SEPTIN2: variants seen among roughly 807,000 people sequenced by gnomAD.
The protein encoded by SEPTIN2 is septin-2.
In SEPTIN2, 34 loss-of-function variants were observed where a neutral mutation model predicts 46.5. The ratio of observed to expected loss-of-function variants is 0.73; its 90% CI spans 0.56 to 0.97. The LOEUF is 0.97. Among genes scored for constraint, SEPTIN2 ranks in the 50% least tolerant of loss-of-function variants. The pLI, the probability that SEPTIN2 is intolerant of heterozygous loss-of-function variation, is 0.00. For missense variants in SEPTIN2, 347 were observed against 448.4 expected, an observed-to-expected ratio of 0.77 and a Z score of 2.04; for synonymous variants, 175 against 153.4, an observed-to-expected ratio of 1.14 and a Z score of -1.04.
At chr2:241,335,694 C>T (rs2079843648) in intron 4 of SEPTIN2, 7 of 563,682 alleles carry the variant, frequency 1.2e-5, no homozygotes, top group Non-Finnish European at 2.2e-5. Flanking sequence ...TTTTTGAATT[C>T]AGTTTTTAAA....
At chr2:241,324,928 A>T (rs2077697713) in intron 2 of SEPTIN2, 1 of 152,266 alleles carries the variant, frequency 6.6e-6, no homozygotes, top group South Asian at 2.1e-4. Context: ...ATTCTGAGAA[A>T]AGCAGAACTT....
chr2:241,316,309 G>A (rs2076232005), intron 1 of SEPTIN2: 4 of 491,492 alleles, frequency 8.1e-6, no homozygotes, highest in Middle Eastern at 6.2e-4. Context: ...CGTCGAGTGC[G>A]GTCGAGGTCG....
intron 7 of SEPTIN2, among the ~76,000 whole-genome samples, chr2:241,339,745 C>T (rs929192626): frequency 1.3e-5 from 2 of 152,158 alleles, no homozygotes; most frequent in African/African-American, 2.4e-5. Flanking sequence ...ACAGTCTTCC[C>T]TCAGATACCT....
intron 1 of SEPTIN2, chr2:241,320,272 T>G: frequency 2.1e-6 from 1 of 471,210 alleles, no homozygotes; most frequent in South Asian, 1.5e-5. Flanking sequence ...ACGTCAAGTC[T>G]TGGTCCTTTT....
At chr2:241,334,536 CAT>C (rs939411211) in intron 3 of SEPTIN2, among the ~76,000 whole-genome samples, 11 of 152,092 alleles carry the variant, frequency 7.2e-5, no homozygotes, top group Non-Finnish European at 1.3e-4. Flanking sequence ...AGTTGCCCGA[CAT>C]ATGACAGTTG....
At chr2:241,322,626 GA>G (rs979654085) in intron 1 of SEPTIN2, among the ~76,000 whole-genome samples, 2 of 150,490 alleles carry the variant, frequency 1.3e-5, no homozygotes, top group African/African-American at 2.4e-5. Context: ...AAAGAAAAGA[GA>G]AAAAAAAATT....
chr2:241,337,811 G>C, intron 7 of SEPTIN2, 21 bp downstream of exon 7: 1 of 1,558,354 alleles, frequency 6.4e-7, no homozygotes, highest in Non-Finnish European at 8.9e-7. Flanking sequence ...CTGGCGTCCT[G>C]CCCTCCCTCT....
chr2:241,341,483 A>G (rs1575342819), intron 7 of SEPTIN2, among the ~76,000 whole-genome samples: 1 of 152,202 alleles, frequency 6.6e-6, no homozygotes, highest in Non-Finnish European at 1.5e-5. Context: ...GTTAGCATGG[A>G]TGGATAGTAG....
Position 241,348,156 on chromosome 2 carries a change from A to G in SEPTIN2, c.949A>G (p.Asn317Asp). 6.2e-7 allele frequency: 1 copy of G among 1,613,244 alleles called. No homozygotes were observed. The highest frequency in any genetic ancestry group is 8.5e-7 in the Non-Finnish European group (1 of 1,179,588). ...GGRKVENEDM[N>D]KDQILLEKEA... is the part of the protein sequence containing the mutation. ...TAGGAAAGTGGAGAATGAGGACATGAATAAAGACCAGATCTTGCTGGAAAA... is the reference window on the plus strand; with the variant it reads ...TAGGAAAGTGGAGAATGAGGACATGGATAAAGACCAGATCTTGCTGGAAAA... The change falls in exon 11 of 13, where the codon AAT becomes GAT. Residue 317 changes from asparagine to aspartate, a missense_variant. Transcript: ENST00000391971.
At chr2:241,321,289 T>A (rs1026327363) in intron 1 of SEPTIN2, among the ~76,000 whole-genome samples, 10 of 152,208 alleles carry the variant, frequency 6.6e-5, no homozygotes, top group African/African-American at 2.2e-4. Flanking sequence ...AGTTTGTATT[T>A]TTCCTAGTCC....
chr2:241,346,121 GTCATGTGCATGAT>G (rs756891427), intron 9 of SEPTIN2, 32 bp from the exon 10 acceptor site: 20 of 1,410,746 alleles, frequency 1.4e-5, no homozygotes, highest in Non-Finnish European at 4.0e-6. Flanking sequence ...TCATGAGAAT[GTCATGTGCATGAT>G]GCCACCTTGG....
chr2:241,347,983 C>T, intron 10 of SEPTIN2, 151 bp from the exon 11 acceptor site: 1 of 549,166 alleles, frequency 1.8e-6, no homozygotes. Context: ...CCACTACACT[C>T]CAGCCCGTGC....
At chr2:241,345,242 G>A (rs1468167670) in intron 9 of SEPTIN2, among the ~76,000 whole-genome samples, 1 of 152,206 alleles carries the variant, frequency 6.6e-6, no homozygotes, top group East Asian at 1.9e-4. Flanking sequence ...CTACATATTT[G>A]CCGCATGTCT....
rs141507551 is a variant in SEPTIN2 at position 241,349,649 on chromosome 2, C to T, written c.985-424C>T. On this transcript the variant is annotated intron_variant, in intron 11 of 12. Coordinates refer to ENST00000391971, the MANE Select transcript of SEPTIN2 (RefSeq NM_004404.5). ...CAGCCTGACCAATGTGGTGAAACCC[C>T]GTCTCTACTGAAAATACAAAAATCA... 3.1e-3 allele frequency among the ~76,000 whole-genome samples: 464 copies of T among 152,042 alleles called. 4 individuals are homozygous for T. Among genetic ancestry groups the T allele is most frequent in the Admixed American group, 7.3e-3 (111 of 15,258 alleles).
chr2:241,350,297 T>C lies in SEPTIN2; in HGVS notation c.*29+94T>C, dbSNP rs1371411879. On this transcript the variant is annotated intron_variant, in intron 12 of 12. Transcript: ENST00000391971. Reference sequence around the variant, plus strand: ...GGTTCCTCCTTAAGCCTCATTAATATTTTGCATTTTGAAGTAACTCCATCA... The same window carrying C: ...GGTTCCTCCTTAAGCCTCATTAATACTTTGCATTTTGAAGTAACTCCATCA... 8 of 622,436 alleles carry C rather than the reference T, an allele frequency of 1.3e-5. No individual in the cohort carries two copies. In the African/African-American group the frequency reaches 1.5e-4, roughly 12 times the overall value. 38.6% of individuals were successfully genotyped at this position (622,436 alleles called of 1,614,324 possible).
In SEPTIN2 at chr2:241,352,961, G is replaced by C. The variant is rs1231584326; in HGVS notation, c.*1024G>C. The C allele has an allele frequency of 1.3e-5, 2 of 152,218 alleles. No individual in the cohort carries two copies. The highest frequency in any genetic ancestry group is 4.8e-5 in the African/African-American group (2 of 41,432). 9.4% of individuals were successfully genotyped at this position (152,218 alleles called of 1,614,324 possible). ...TGTGGAAATTGGGGTCTGTTGGTGG[G>C]CGTGCCCCTGAAGCCTGGCTTGGGT... is the stretch of plus-strand genomic sequence containing the variant. On this transcript the variant is annotated 3_prime_UTR_variant, in exon 13 of 13. Transcript: ENST00000391971.
At chr2:241,344,201 A>C (rs1464777852) in intron 9 of SEPTIN2, among the ~76,000 whole-genome samples, 11 of 152,110 alleles carry the variant, frequency 7.2e-5, no homozygotes, top group Non-Finnish European at 1.5e-5. Context: ...ACTAGAACCT[A>C]AACTGGGGTC....
chr2:241,318,268 T>C, intron 1 of SEPTIN2: 1 of 152,166 alleles, frequency 6.6e-6, no homozygotes, highest in Non-Finnish European at 1.5e-5. Context: ...TCTGTGGAGG[T>C]GCGGGAGAGG....
chr2:241,320,751 T>G (rs751507614), intron 1 of SEPTIN2, among the ~76,000 whole-genome samples: 12 of 152,190 alleles, frequency 7.9e-5, no homozygotes, highest in Non-Finnish European at 1.6e-4. Context: ...ATCGCGCCAG[T>G]GCACTCCAGC....
Sources: gnomAD v4.1 joint callset for allele counts (sites outside exome capture counted in the v4.1 genomes callset) on GRCh38, gnomAD v4.1.1 for gene constraint, MANE v1.5 for transcripts, NCBI Gene and HGNC (gene_info 2026-07-23, HGNC 2026-07-21) for gene names.